The following PRPF38A variants were observed in gnomAD, a reference collection of about 807,000 sequenced individuals.
PRPF38A encodes pre-mRNA processing factor 38A, also known as pre-mRNA-splicing factor 38A.
PRPF38A carries 11 observed loss-of-function variants against 46.8 expected under a neutral mutation model. The observed-to-expected ratio is 0.24, with a 90% CI of 0.15 to 0.39. PRPF38A has a LOEUF of 0.39. Ranked by LOEUF, PRPF38A falls within the 10% of genes least tolerant of loss-of-function variation. PRPF38A has a pLI of 1.00. For missense variants in PRPF38A, 261 were observed against 407.5 expected (o/e 0.64, Z 3.10); for synonymous variants, 124 against 136.2 (o/e 0.91, Z 0.62).
At position 52,418,881 on chromosome 1, in the gene PRPF38A, C is replaced by T. The variant is rs1006807571; in HGVS notation, c.*2191C>T. 2 of 152,214 alleles carry T rather than the reference C, an allele frequency of 1.3e-5. No homozygotes were observed. Among genetic ancestry groups the T allele is most frequent in the African/African-American group, 4.8e-5 (2 of 41,456 alleles). 9.4% of individuals were successfully genotyped at this position (152,214 alleles called of 1,614,324 possible). On this transcript the variant is annotated 3_prime_UTR_variant, in exon 10 of 10. Coordinates refer to ENST00000257181, the MANE Select transcript of PRPF38A (RefSeq NM_032864.4). Reference sequence around the variant, plus strand: ...GACAAATTTCAGGAAAGAATACTTACTATGCAAAGTGAATTCTGGTGTTTC... The same window carrying T: ...GACAAATTTCAGGAAAGAATACTTATTATGCAAAGTGAATTCTGGTGTTTC...
chr1:52,415,781 TGATAA>T (rs1648272377), intron 9 of PRPF38A, among the ~76,000 whole-genome samples: 2 of 151,848 alleles, frequency 1.3e-5, no homozygotes, highest in African/African-American at 4.8e-5. Context: ...CACTTTCATT[TGATAA>T]GATTTCATTA....
At chr1:52,416,591 G>C in intron 9 of PRPF38A, 57 bp from the exon 10 acceptor site, 1 of 1,392,946 alleles carries the variant, frequency 7.2e-7, no homozygotes, top group Non-Finnish European at 1.0e-6. Context: ...TTACAGGCGT[G>C]AGCCACCGTG....
chr1:52,408,233 C>T (rs558205096), intron 2 of PRPF38A: 48 of 386,126 alleles, frequency 1.2e-4, no homozygotes, highest in African/African-American at 9.4e-4. Context: ...GAGCAAGACT[C>T]TGCCTTAAAA....
At chr1:52,415,787 G>A (rs1648272498) in intron 9 of PRPF38A, among the ~76,000 whole-genome samples, 1 of 139,562 alleles carries the variant, frequency 7.2e-6, no homozygotes, top group Non-Finnish European at 1.5e-5. Flanking sequence ...CATTTGATAA[G>A]ATTTCATTAG....
At chr1:52,408,220 A>G (rs1335183289) in intron 2 of PRPF38A, 2 of 369,144 alleles carry the variant, frequency 5.4e-6, no homozygotes, top group Admixed American at 7.2e-5. Context: ...AGCCTGGGCA[A>G]CAGAGCAAGA....
intron 2 of PRPF38A, 52 bp downstream of exon 2, chr1:52,405,891 G>C (rs777548186): frequency 4.6e-6 from 7 of 1,530,168 alleles, no homozygotes; most frequent in Non-Finnish European, 6.3e-6. Flanking sequence ...TGGCGGTTTA[G>C]AATTGGGCTT....
rs182160480 is a variant in PRPF38A at position 52,417,003 on chromosome 1, C to T, written c.*313C>T. Reference sequence around the variant, plus strand: ...ATGACCCTTTCCCTTTTTATTAAACCGGACACACCTGTTTCCCATTTCGCT... The same window carrying T: ...ATGACCCTTTCCCTTTTTATTAAACTGGACACACCTGTTTCCCATTTCGCT... On this transcript the variant is annotated 3_prime_UTR_variant, in exon 10 of 10. Transcript: ENST00000257181. 41 of 289,204 alleles carry T rather than the reference C, an allele frequency of 1.4e-4. No homozygotes were observed. The highest frequency in any genetic ancestry group is 2.2e-4 in the Non-Finnish European group (34 of 151,792). The allele number at this position is 289,204 out of a possible 1,614,324, so 17.9% of individuals were successfully genotyped here.
In PRPF38A at chr1:52,418,008, T is replaced by C. The variant is rs1287564098; in HGVS notation, c.*1318T>C. On this transcript the variant is annotated 3_prime_UTR_variant, in exon 10 of 10. Transcript: ENST00000257181. ...AACTCCCTTAAAAAGAGAAAAGTGA[T>C]GGAATGACTTCTGCAACTGTAGTCC... 7.0e-6 allele frequency: 1 copy of C among 142,672 alleles called. No homozygotes were observed. The highest frequency in any genetic ancestry group is 3.1e-5 in the African/African-American group (1 of 32,238). 8.8% of individuals were successfully genotyped at this position (142,672 alleles called of 1,614,324 possible).
chr1:52,415,343 C>T lies in PRPF38A; in HGVS notation c.853C>T (p.His285Tyr). 6.2e-7 allele frequency: 1 copy of T among 1,613,868 alleles called. No homozygotes were observed. Among genetic ancestry groups the T allele is most frequent in the South Asian group, 1.1e-5 (1 of 91,074 alleles). The change falls in exon 9 of 10, where the codon CAC becomes TAC. Residue 285 changes from histidine to tyrosine, a missense_variant. Coordinates refer to ENST00000257181, the MANE Select transcript of PRPF38A (RefSeq NM_032864.4). The stretch of plus-strand genomic sequence containing the variant: ...AATGGCCTTTTCTTCCCCAGGTCAT[C>T]ACCGTAGTCACAGACACAGGAGCCA... ...HRSRSKSPGH[H>Y]RSHRHRSHSK...
In PRPF38A at chr1:52,415,354, C is replaced by T; in HGVS notation, c.864C>T (p.His288=). 6.2e-7 allele frequency: 1 copy of T among 1,613,956 alleles called. No homozygotes were observed. The highest frequency in any genetic ancestry group is 8.5e-7 in the Non-Finnish European group (1 of 1,179,882). ...CTTCCCCAGGTCATCACCGTAGTCA[C>T]AGACACAGGAGCCACTCAAAGTCTC... The part of the protein sequence containing the change: ...RSKSPGHHRS[H]RHRSHSKSPE... Residue 288 remains histidine, a synonymous_variant, in exon 9 of 10, where the codon CAC becomes CAT. Coordinates refer to ENST00000257181, the MANE Select transcript of PRPF38A (RefSeq NM_032864.4).
chr1:52,408,413 C>A, intron 2 of PRPF38A, 156 bp from the exon 3 acceptor site: 4 of 937,922 alleles, frequency 4.3e-6, no homozygotes, highest in South Asian at 1.3e-5. Context: ...CATATTTTAG[C>A]TGTCTTTCTT....
At position 52,417,675 on chromosome 1, in the gene PRPF38A, G is replaced by A. The variant is rs879617696; in HGVS notation, c.*985G>A. On this transcript the variant is annotated 3_prime_UTR_variant, in exon 10 of 10. Coordinates refer to ENST00000257181, the MANE Select transcript of PRPF38A (RefSeq NM_032864.4). ...GATAGGGACCAGAGTTTAACATAGCGATCTAGGCCAGAATTGACAATGTTT... is the reference window on the plus strand; with the variant it reads ...GATAGGGACCAGAGTTTAACATAGCAATCTAGGCCAGAATTGACAATGTTT... The A allele has an allele frequency of 1.3e-5, 2 of 152,180 alleles. No homozygotes were observed. Among genetic ancestry groups the A allele is most frequent in the Admixed American group, 6.5e-5 (1 of 15,272 alleles). The allele number at this position is 152,180 out of a possible 1,614,324, so 9.4% of individuals were successfully genotyped here.
rs1315659762 is a variant in PRPF38A, at chr1:52,404,645, T to C, written c.-105T>C. On this transcript the variant is annotated 5_prime_UTR_variant, in exon 1 of 10. Coordinates refer to ENST00000257181, the MANE Select transcript of PRPF38A (RefSeq NM_032864.4). The stretch of plus-strand genomic sequence containing the variant: ...CTTCAAGATGGTCGCCTAAGCTGTT[T>C]AGTGAAACTTCTTCCACCTTTCTCC... 3.8e-6 allele frequency: 5 copies of C among 1,309,814 alleles called. No individual in the cohort carries two copies. The highest frequency in any genetic ancestry group is 2.6e-4 in the Middle Eastern group (1 of 3,774). 81.1% of individuals were successfully genotyped at this position (1,309,814 alleles called of 1,614,324 possible).
At chr1:52,404,912 C>T (rs753278776) in intron 1 of PRPF38A, 33 bp downstream of exon 1, 2 of 1,609,058 alleles carry the variant, frequency 1.2e-6, no homozygotes, top group Non-Finnish European at 1.7e-6. Context: ...CCTCTCAGCC[C>T]CCTTGTGGCC....
intron 9 of PRPF38A, among the ~76,000 whole-genome samples, chr1:52,416,389 A>G (rs1648292565): frequency 6.6e-6 from 1 of 150,952 alleles, no homozygotes; most frequent in Non-Finnish European, 1.5e-5. Context: ...GCTCACAGCA[A>G]CCTCCACCTC....
intron 5 of PRPF38A, 129 bp from the exon 6 acceptor site, chr1:52,413,750 A>G (rs1162291763): frequency 2.3e-5 from 15 of 640,942 alleles, no homozygotes; most frequent in Non-Finnish European, 5.6e-6. Context: ...CTTTGTAGTC[A>G]GGTTACTGTG....
At chr1:52,412,433 G>T in intron 4 of PRPF38A, 81 bp from the exon 5 acceptor site, 2 of 923,842 alleles carry the variant, frequency 2.2e-6, no homozygotes, top group Non-Finnish European at 3.3e-6. Flanking sequence ...GTTGCTCCTT[G>T]GAACCCTGAA....
At chr1:52,407,645 G>A (rs372747097) in intron 2 of PRPF38A, among the ~76,000 whole-genome samples, 20 of 152,340 alleles carry the variant, frequency 1.3e-4, no homozygotes, top group East Asian at 1.2e-3. Flanking sequence ...ATATGGCCAG[G>A]TGTGGTGGCT....
rs1341718980 is a variant in PRPF38A, at chr1:52,404,675, C to G, written c.-75C>G. The G allele has an allele frequency of 6.6e-7, 1 of 1,520,746 alleles. No homozygotes were observed. The highest frequency in any genetic ancestry group is 1.9e-5 in the Admixed American group (1 of 51,546). 94.2% of individuals were successfully genotyped at this position (1,520,746 alleles called of 1,614,324 possible). ...AAACTTCTTCCACCTTTCTCCATTC[C>G]TCTAGGTGCTTTTTCTGAACCTGGA... On this transcript the variant is annotated 5_prime_UTR_variant, in exon 1 of 10. Transcript: ENST00000257181.
Sources: gnomAD v4.1 joint callset for allele counts (sites outside exome capture counted in the v4.1 genomes callset) on GRCh38, gnomAD v4.1.1 for gene constraint, MANE v1.5 for transcripts, NCBI Gene and HGNC (gene_info 2026-07-23, HGNC 2026-07-21) for gene names.